The following PLCE1 variants were observed in gnomAD, a reference collection of about 807,000 sequenced individuals.
PLCE1 encodes the protein phospholipase C epsilon 1.
Under a neutral mutation model 242.8 loss-of-function variants are expected in PLCE1, and 119 were observed. That is an observed-to-expected ratio of 0.49 (90% CI 0.42 to 0.57). PLCE1 has a LOEUF of 0.57. Ranked by LOEUF, PLCE1 falls within the 20% of genes least tolerant of loss-of-function variation. PLCE1 has a pLI of 0.00. For synonymous variants in PLCE1, 945 were observed against 1,017.4 expected (o/e 0.93, Z 1.35); for missense variants, 2,441 against 2,788.8 (o/e 0.88, Z 2.81).
intron 4 of PLCE1, among the ~76,000 whole-genome samples, chr10:94,215,021 C>A (rs537218738): frequency 6.6e-6 from 1 of 152,308 alleles, no homozygotes; most frequent in South Asian, 2.1e-4. Context: ...CACTCTCACC[C>A]TCTGCTGCCC....
At chr10:94,078,158 T>A (rs1050345086) in intron 2 of PLCE1, among the ~76,000 whole-genome samples, 2 of 152,248 alleles carry the variant, frequency 1.3e-5, no homozygotes, top group African/African-American at 4.8e-5. Context: ...ATTGACTTTT[T>A]AAAAATATCT....
At chr10:94,308,769 C>G in intron 27 of PLCE1, 70 bp downstream of exon 27, 2 of 982,524 alleles carry the variant, frequency 2.0e-6, no homozygotes, top group South Asian at 2.6e-5. Context: ...TTTTTGTGGC[C>G]CAGCAAAGTG....
chr10:94,196,557 A>G (rs891266773), intron 4 of PLCE1, among the ~76,000 whole-genome samples: 1 of 152,208 alleles, frequency 6.6e-6, no homozygotes, highest in Non-Finnish European at 1.5e-5. Context: ...AAGCCAAGTC[A>G]GGAGGATCAC....
chr10:94,230,436 G>A (rs546617612), intron 5 of PLCE1, among the ~76,000 whole-genome samples: 43 of 150,132 alleles, frequency 2.9e-4, no homozygotes, highest in African/African-American at 9.3e-4. Context: ...GCAATTCTCC[G>A]GCCTCACCCT....
At chr10:94,259,285 A>AT (rs369272321) in intron 13 of PLCE1, 135 bp downstream of exon 13, 73,115 of 716,588 alleles carry the variant, frequency 0.1, 266 homozygotes, top group Non-Finnish European at 0.12. Flanking sequence ...ACTTAAGAGA[A>AT]TTTTTTTTTT....
rs139651817 is a variant in PLCE1, at chr10:94,270,064, T to C, written c.4390-422T>C. Among the ~76,000 whole-genome samples the C allele has an allele frequency of 6.9e-3, 1,047 of 152,340 alleles. 10 individuals carry two copies. Among genetic ancestry groups the C allele is most frequent in the African/African-American group, 0.023 (971 of 41,586 alleles). On this transcript the variant is annotated intron_variant, in intron 17 of 32. Coordinates refer to ENST00000371380, the MANE Select transcript of PLCE1 (RefSeq NM_016341.4). Reference sequence around the variant, plus strand: ...TGGCATGGGCATGAGTTGATAACTGTGTTTACATATACACATAAATATATG... The same window carrying C: ...TGGCATGGGCATGAGTTGATAACTGCGTTTACATATACACATAAATATATG...
chr10:94,273,052 T>A (rs1385708903), intron 18 of PLCE1, among the ~76,000 whole-genome samples: 1 of 152,132 alleles, frequency 6.6e-6, no homozygotes, highest in Non-Finnish European at 1.5e-5. Context: ...CTGCTTTCCC[T>A]CCACCCACCT....
intron 4 of PLCE1, 40 bp downstream of exon 4, chr10:94,171,536 C>G: frequency 6.7e-7 from 1 of 1,502,652 alleles, no homozygotes; most frequent in Non-Finnish European, 9.3e-7. Context: ...TTTGACTCAC[C>G]CGTAAGTGAT....
At chr10:94,209,313 A>G (rs972337554) in intron 4 of PLCE1, among the ~76,000 whole-genome samples, 4 of 152,340 alleles carry the variant, frequency 2.6e-5, no homozygotes, top group Admixed American at 1.3e-4. Context: ...GTGCCTGCCA[A>G]TTTTGTTTCA....
At chr10:94,037,848 G>C (rs2061692954) in intron 2 of PLCE1, among the ~76,000 whole-genome samples, 1 of 152,152 alleles carries the variant, frequency 6.6e-6, no homozygotes, top group Admixed American at 6.5e-5. Flanking sequence ...CCTTGACTCT[G>C]GATTCCAGTG....
rs58610099 is a variant in PLCE1 at position 94,319,864 on chromosome 10, C to CTTTTTTTTTTTTTTTTTT, written c.6343-2031_6343-2014dup. Among the ~76,000 whole-genome samples, 56 of 92,932 alleles carry CTTTTTTTTTTTTTTTTTT rather than the reference C, an allele frequency of 6.0e-4. 3 individuals are homozygous for CTTTTTTTTTTTTTTTTTT. The highest frequency in any genetic ancestry group is 1.0e-3 in the African/African-American group (27 of 26,758). 61.0% of individuals were successfully genotyped at this position (92,932 alleles called of 152,430 possible). A position where few individuals can be genotyped will look rare whatever the true frequency, so the allele number is the denominator to read the frequency against. On this transcript the variant is annotated intron_variant, in intron 29 of 32. Coordinates refer to ENST00000371380, the MANE Select transcript of PLCE1 (RefSeq NM_016341.4). ...GCTCTGAGGGAGGCTCAAAGGTGCT[C>CTTTTTTTTTTTTTTTTTT]TTTTTTTTTTTTTTTTTTTTTTTGA...
At position 94,224,433 on chromosome 10, in the gene PLCE1, A is replaced by G. The variant is rs573015447; in HGVS notation, c.1810-2873A>G. Among the ~76,000 whole-genome samples, 10 of 152,322 alleles carry G rather than the reference A, an allele frequency of 6.6e-5. No homozygotes were observed. In the East Asian group the frequency reaches 1.2e-3, roughly 18 times the overall value. ...AGCCACTGGACTAGTAAGTCAATGC[A>G]TGGTATCAGAACAGCCTGAAAGAAT... On this transcript the variant is annotated intron_variant, in intron 4 of 32. Coordinates refer to ENST00000371380, the MANE Select transcript of PLCE1 (RefSeq NM_016341.4).
At chr10:94,255,954 T>TCTCTCTCTCTCC (rs2051075205) in intron 11 of PLCE1, among the ~76,000 whole-genome samples, 1 of 122,866 alleles carries the variant, frequency 8.1e-6, no homozygotes, top group African/African-American at 3.0e-5. Context: ...TCTCTCTCTC[T>TCTCTCTCTCTCC]CTCCCCACCC....
At chr10:94,268,034 T>C (rs1476224462) in intron 16 of PLCE1, among the ~76,000 whole-genome samples, 1 of 152,146 alleles carries the variant, frequency 6.6e-6, no homozygotes, top group Non-Finnish European at 1.5e-5. Flanking sequence ...TTTCTTGGCT[T>C]GGGTCACTAT....
chr10:94,042,637 G>A (rs1193992805), intron 2 of PLCE1, among the ~76,000 whole-genome samples: 1 of 152,212 alleles, frequency 6.6e-6, no homozygotes, highest in Non-Finnish European at 1.5e-5. Context: ...ACTTTTGGAT[G>A]AAATGGGAGA....
At chr10:94,047,175 G>C (rs1007943367) in intron 2 of PLCE1, among the ~76,000 whole-genome samples, 2 of 152,052 alleles carry the variant, frequency 1.3e-5, no homozygotes, top group Non-Finnish European at 2.9e-5. Flanking sequence ...ATTACCTCCA[G>C]GTAAATAAAG....
chr10:94,196,165 A>G (rs1366053336), intron 4 of PLCE1, among the ~76,000 whole-genome samples: 1 of 152,176 alleles, frequency 6.6e-6, no homozygotes, highest in Non-Finnish European at 1.5e-5. Context: ...TATAAGGTGC[A>G]TTGTAAGTAA....
intron 1 of PLCE1, among the ~76,000 whole-genome samples, 95 bp downstream of exon 1, chr10:93,994,353 C>T (rs2060778060): frequency 6.6e-6 from 1 of 152,212 alleles, no homozygotes; most frequent in African/African-American, 2.4e-5. Context: ...CCTAAGGGAG[C>T]AGCCCGACTC....
intron 3 of PLCE1, among the ~76,000 whole-genome samples, chr10:94,159,928 T>C (rs934105314): frequency 6.6e-6 from 1 of 152,192 alleles, no homozygotes; most frequent in African/African-American, 2.4e-5. Flanking sequence ...TTCATCCATG[T>C]CCCTAAAAAG....
Sources: gnomAD v4.1 joint callset for allele counts (sites outside exome capture counted in the v4.1 genomes callset) on GRCh38, gnomAD v4.1.1 for gene constraint, MANE v1.5 for transcripts, NCBI Gene and HGNC (gene_info 2026-07-23, HGNC 2026-07-21) for gene names.